DCAF5: variants seen among roughly 807,000 people sequenced by gnomAD.
The protein encoded by DCAF5 is DDB1 and CUL4 associated factor 5, also known as DDB1- and CUL4-associated factor 5.
A neutral mutation model predicts 80.7 loss-of-function variants in DCAF5; 9 were observed. That is an observed-to-expected ratio of 0.11 (90% CI 0.07 to 0.19). The LOEUF (loss-of-function observed/expected upper bound fraction) is 0.19. DCAF5 is among the 10% of genes least tolerant of loss of function. The pLI is 1.00. For missense variants in DCAF5, 842 were observed against 1,205.7 expected, an observed-to-expected ratio of 0.70 and a Z score of 4.47; for synonymous variants, 433 against 461.9, an observed-to-expected ratio of 0.94 and a Z score of 0.80.
intron 1 of DCAF5, among the ~76,000 whole-genome samples, chr14:69,148,932 T>C (rs187416052): frequency 2.8e-4 from 43 of 152,316 alleles, no homozygotes; most frequent in African/African-American, 9.9e-4. Context: ...CCACACCACA[T>C]TGTGCCTCCA....
intron 6 of DCAF5, among the ~76,000 whole-genome samples, chr14:69,081,526 C>G (rs1328258166): frequency 1.3e-5 from 2 of 152,066 alleles, no homozygotes; most frequent in African/African-American, 4.8e-5. Flanking sequence ...GTAGGGTTAA[C>G]CTGAGGCCAG....
chr14:69,067,652 TC>T (rs370581685), intron 7 of DCAF5, among the ~76,000 whole-genome samples: 2 of 150,674 alleles, frequency 1.3e-5, no homozygotes, highest in African/African-American at 5.0e-5. Flanking sequence ...GCCCAGATAT[TC>T]TTTTTTTTTT....
intron 6 of DCAF5, chr14:69,084,045 A>T (rs2039220328): frequency 1.3e-6 from 1 of 780,882 alleles, no homozygotes; most frequent in Admixed American, 1.7e-5. Context: ...TCTTGCAGCT[A>T]CAAAAACCGT....
At chr14:69,101,248 A>G (rs1034036264) in intron 5 of DCAF5, among the ~76,000 whole-genome samples, 1 of 152,236 alleles carries the variant, frequency 6.6e-6, no homozygotes, top group Non-Finnish European at 1.5e-5. Flanking sequence ...ACTGCAATGC[A>G]TCAGGGCCAG....
chr14:69,105,387 G>A (rs1450566097), intron 5 of DCAF5, among the ~76,000 whole-genome samples: 1 of 152,164 alleles, frequency 6.6e-6, no homozygotes, highest in African/African-American at 2.4e-5. Flanking sequence ...AGTGAAAGAA[G>A]CCAGACAGAA....
In DCAF5 at chr14:69,054,288, C is replaced by G. The variant is rs750651551; in HGVS notation, c.2398G>C (p.Ala800Pro). The G allele has an allele frequency of 2.5e-6, 4 of 1,614,086 alleles. No individual in the cohort carries two copies. In the African/African-American group the frequency reaches 5.3e-5, roughly 22 times the overall value. The change falls in exon 9 of 9, where the codon GCA (alanine) becomes CCA (proline). Residue 800 changes from alanine (A) to proline (P), a missense_variant. This residue lies in a region of DCAF5 where 607 missense variants were observed against 656.6 expected (regional missense o/e 0.92). Coordinates refer to ENST00000341516, the MANE Select transcript of DCAF5 (RefSeq NM_003861.3). ...EEPPSPPVPK[A>P]SGSTLNSGSG... ...CCGCTGTTGAGAGTGGAGCCAGATG[C>G]CTTGGGGACAGGAGGAGAAGGCGGC...
In DCAF5 at chr14:69,122,460, C is replaced by T. The variant is rs146905241; in HGVS notation, c.215-100G>A. 5.3e-5 allele frequency: 68 copies of T among 1,272,998 alleles called. No individual in the cohort carries two copies. The African/African-American group carries it at 9.2e-4, about 17-fold the overall frequency. The allele number at this position is 1,272,998 out of a possible 1,614,324, so 78.9% of individuals were successfully genotyped here. Reference sequence around the variant, plus strand: ...AATCCCATCCTTTCCAAAACTGCACCTCCCCAACTCCATAAGATTCGCATG... The same window carrying T: ...AATCCCATCCTTTCCAAAACTGCACTTCCCCAACTCCATAAGATTCGCATG... On this transcript the variant is annotated intron_variant, in intron 1 of 8. Coordinates refer to ENST00000341516, the MANE Select transcript of DCAF5 (RefSeq NM_003861.3).
chr14:69,122,164 T>C, intron 2 of DCAF5, 53 bp downstream of exon 2: 2 of 1,582,358 alleles, frequency 1.3e-6, no homozygotes, highest in Non-Finnish European at 1.7e-6. Context: ...CGCACTCTTT[T>C]CTCTAAAATC....
chr14:69,127,342 G>A (rs896361855), intron 1 of DCAF5, among the ~76,000 whole-genome samples: 5 of 152,150 alleles, frequency 3.3e-5, no homozygotes, highest in Non-Finnish European at 7.3e-5. Context: ...GTGAAAAGAC[G>A]TGGAGAAACC....
At chr14:69,150,351 G>A (rs898845231) in intron 1 of DCAF5, among the ~76,000 whole-genome samples, 3 of 152,102 alleles carry the variant, frequency 2.0e-5, no homozygotes, top group African/African-American at 4.8e-5. Flanking sequence ...ACCCAGAATC[G>A]AAAGGTCTGC....
intron 7 of DCAF5, among the ~76,000 whole-genome samples, chr14:69,064,045 G>C (rs1217280180): frequency 6.6e-6 from 1 of 152,174 alleles, no homozygotes; most frequent in Non-Finnish European, 1.5e-5. Context: ...AGAGGACAAG[G>C]AAAAGTTAGG....
intron 5 of DCAF5, among the ~76,000 whole-genome samples, chr14:69,114,104 A>G (rs1377141438): frequency 6.6e-6 from 1 of 152,166 alleles, no homozygotes; most frequent in African/African-American, 2.4e-5. Context: ...AGGTCTGGAG[A>G]CACATGCAAT....
intron 6 of DCAF5, among the ~76,000 whole-genome samples, chr14:69,086,480 G>A (rs1036476265): frequency 1.1e-4 from 17 of 151,832 alleles, no homozygotes; most frequent in African/African-American, 4.1e-4. Context: ...AAAAAGAGTA[G>A]CCTAAAATCA....
Position 69,142,446 on chromosome 14 carries a change from G to A in DCAF5, c.214+10319C>T, listed in dbSNP as rs567233778. On this transcript the variant is annotated intron_variant, in intron 1 of 8. Transcript: ENST00000341516. The stretch of plus-strand genomic sequence containing the variant: ...CAACCTTTCTTTTTACCCATTCAGT[G>A]AATGGCCATGAAAGTGAAATGCCTT... Among the ~76,000 whole-genome samples, 214 of 152,292 alleles carry A rather than the reference G, an allele frequency of 1.4e-3. 5 individuals are homozygous for A. The South Asian group carries it at 0.028, about 20-fold the overall frequency.
At chr14:69,151,839 G>C (rs1261375021) in intron 1 of DCAF5, among the ~76,000 whole-genome samples, 1 of 152,138 alleles carries the variant, frequency 6.6e-6, no homozygotes, top group Non-Finnish European at 1.5e-5. Context: ...CCGGGAGAGC[G>C]AGGCCTACAC....
At chr14:69,082,453 T>C (rs866355722) in intron 6 of DCAF5, among the ~76,000 whole-genome samples, 2 of 52,944 alleles carry the variant, frequency 3.8e-5, no homozygotes, top group African/African-American at 5.4e-5. Context: ...GGGTTCTGTG[T>C]AGAAAAAATT....
intron 5 of DCAF5, among the ~76,000 whole-genome samples, chr14:69,110,251 T>TTTCAC (rs1416137034): frequency 6.6e-6 from 1 of 150,800 alleles, no homozygotes; most frequent in East Asian, 1.9e-4. Flanking sequence ...GATCTGTTCT[T>TTTCAC]GGCTCATCTT....
Position 69,116,311 on chromosome 14 carries a change from A to G in DCAF5, c.665+55T>C, listed in dbSNP as rs2040543192. ...ACAACACTTACTGGCTGGTCACATT[A>G]CCTGAGAAATGAGGCAGAGGAAAGT... On this transcript the variant is annotated intron_variant, in intron 5 of 8. Coordinates refer to ENST00000341516, the MANE Select transcript of DCAF5 (RefSeq NM_003861.3). 1.9e-6 allele frequency: 3 copies of G among 1,578,720 alleles called. No homozygotes were observed. In the South Asian group the frequency reaches 3.5e-5, roughly 18 times the overall value.
At chr14:69,127,857 GTAATAA>G (rs905010020) in intron 1 of DCAF5, among the ~76,000 whole-genome samples, 6 of 152,028 alleles carry the variant, frequency 3.9e-5, no homozygotes, top group South Asian at 2.1e-4. Context: ...CCTTCTACCA[GTAATAA>G]TAATAATATT....
Sources: allele counts gnomAD v4.1 joint callset (sites outside exome capture counted in the v4.1 genomes callset), GRCh38; gene constraint gnomAD v4.1.1; regional missense constraint gnomAD v4.1.1; transcripts MANE v1.5; gene names NCBI Gene and HGNC (gene_info 2026-07-23, HGNC 2026-07-21).